The following PCDHGC4 variants were observed in gnomAD, a reference collection of about 807,000 sequenced individuals.
The protein encoded by PCDHGC4 is protocadherin gamma subfamily C, 4.
In PCDHGC4, 15 loss-of-function variants were observed where a neutral mutation model predicts 59.7. The observed-to-expected ratio is 0.25, with a 90% CI of 0.17 to 0.39. The LOEUF (loss-of-function observed/expected upper bound fraction) is 0.39. Among genes scored for constraint, PCDHGC4 ranks in the 10% least tolerant of loss-of-function variants. The pLI, the probability that PCDHGC4 is intolerant of heterozygous loss-of-function variation, is 1.00. For missense variants in PCDHGC4, 1,016 were observed against 1,189.5 expected (o/e 0.85, Z 2.15); for synonymous variants, 434 against 481.4 (o/e 0.90, Z 1.29).
intron 2 of PCDHGC4, among the ~76,000 whole-genome samples, chr5:141,497,023 G>A (rs1271608156): frequency 1.3e-5 from 2 of 151,912 alleles, no homozygotes; most frequent in Non-Finnish European, 2.9e-5. Flanking sequence ...ACCCCATCTC[G>A]ATTAAAAATA....
intron 2 of PCDHGC4, among the ~76,000 whole-genome samples, chr5:141,496,207 T>C (rs973745475): frequency 6.6e-6 from 1 of 152,134 alleles, no homozygotes; most frequent in Non-Finnish European, 1.5e-5. Flanking sequence ...CAATCTGGTA[T>C]GAATTCCTGC....
At chr5:141,509,536 A>T (rs778275338) in intron 3 of PCDHGC4, among the ~76,000 whole-genome samples, 1 of 152,130 alleles carries the variant, frequency 6.6e-6, no homozygotes, top group Non-Finnish European at 1.5e-5. Context: ...AGGATGAAGC[A>T]CCATCTCATT....
chr5:141,502,402 A>T (rs1317862793), intron 2 of PCDHGC4, among the ~76,000 whole-genome samples: 1 of 151,976 alleles, frequency 6.6e-6, no homozygotes, highest in Admixed American at 6.6e-5. Flanking sequence ...AATGTCCCCG[A>T]ACCTGGATTT....
rs934674909 is a variant in PCDHGC4, at chr5:141,511,083, A to C, written c.2727A>C (p.Thr909=). Residue 909 remains threonine, a synonymous_variant, in exon 4 of 4, where the codon ACA becomes ACC. Transcript: ENST00000306593. The part of the protein sequence containing the change: ...QNVYIPGSNA[T]LTNAAGKRDG... Reference sequence around the variant, plus strand: ...TCTACATCCCAGGCAGCAATGCCACACTGACCAACGCAGCTGGCAAGCGGG... The same window carrying C: ...TCTACATCCCAGGCAGCAATGCCACCCTGACCAACGCAGCTGGCAAGCGGG... 1.2e-6 allele frequency: 2 copies of C among 1,614,108 alleles called. No homozygotes were observed. Among genetic ancestry groups the C allele is most frequent in the African/African-American group, 2.7e-5 (2 of 74,940 alleles).
intron 3 of PCDHGC4, among the ~76,000 whole-genome samples, chr5:141,506,444 C>CA (rs1219684339): frequency 0.017 from 1,570 of 94,842 alleles, 20 homozygotes; most frequent in African/African-American, 0.048. Flanking sequence ...CGCTCTGTCT[C>CA]AAAAAAAAAA....
rs749499883 is a variant in PCDHGC4 at position 141,486,382 on chromosome 5, C to T, written c.1209C>T (p.Asn403=). ...TTGCCCTCAAGTCTGCCTTCAGGAA[C>T]CAGTTCTCCCTGGTGACTGCTGGAC... is the stretch of plus-strand genomic sequence containing the variant. ...LPFALKSAFR[N]QFSLVTAGPL... is the part of the protein sequence containing the mutation. The change falls in exon 1 of 4, where the codon AAC becomes AAT. Residue 403 remains asparagine (N), a synonymous_variant. Transcript: ENST00000306593. The surrounding 1 kb of genome is among the most constrained non-coding windows in gnomAD (Gnocchi z 5.0). 25 of 1,613,986 alleles carry T rather than the reference C, an allele frequency of 1.5e-5. No homozygotes were observed. The highest frequency in any genetic ancestry group is 1.9e-5 in the Non-Finnish European group (23 of 1,179,998).
At chr5:141,503,133 C>A (rs1164077875) in intron 2 of PCDHGC4, among the ~76,000 whole-genome samples, 1 of 152,002 alleles carries the variant, frequency 6.6e-6, no homozygotes, top group Non-Finnish European at 1.5e-5. Context: ...CTGGTAGCCC[C>A]TGACACAGCC....
At position 141,490,475 on chromosome 5, in the gene PCDHGC4, T is replaced by C. The variant is rs769951029; in HGVS notation, c.2442+2860T>C. On this transcript the variant is annotated intron_variant, in intron 1 of 3. Coordinates refer to ENST00000306593, the MANE Select transcript of PCDHGC4 (RefSeq NM_018928.3). This position sits in a 1 kb window ranked among gnomAD's most constrained non-coding sequence, Gnocchi z 5.4. ...TACTCGCTGCTAACCAGCCAGCCTTTGGACCGGGAGGCCACATCCCACTAT... is the reference window on the plus strand; with the variant it reads ...TACTCGCTGCTAACCAGCCAGCCTTCGGACCGGGAGGCCACATCCCACTAT... The C allele has an allele frequency of 3.7e-6, 6 of 1,614,240 alleles. No individual in the cohort carries two copies. The highest frequency in any genetic ancestry group is 5.1e-6 in the Non-Finnish European group (6 of 1,180,038).
chr5:141,490,380 T>C lies in PCDHGC4; in HGVS notation c.2442+2765T>C, dbSNP rs1246254637. 1 of 1,614,204 alleles carries C rather than the reference T, an allele frequency of 6.2e-7. No individual in the cohort carries two copies. ...TTAATGTGCGAGACCGGGACTCAGGTAGAAATGGTGAAGTGAGCCTTGATA... is the reference window on the plus strand; with the variant it reads ...TTAATGTGCGAGACCGGGACTCAGGCAGAAATGGTGAAGTGAGCCTTGATA... On this transcript the variant is annotated intron_variant, in intron 1 of 3. Coordinates refer to ENST00000306593, the MANE Select transcript of PCDHGC4 (RefSeq NM_018928.3). This position sits in a 1 kb window ranked among gnomAD's most constrained non-coding sequence, Gnocchi z 5.4.
Position 141,485,138 on chromosome 5 carries a change from T to A in PCDHGC4, c.-36T>A, listed in dbSNP as rs374309554. On this transcript the variant is annotated 5_prime_UTR_variant, in exon 1 of 4. Coordinates refer to ENST00000306593, the MANE Select transcript of PCDHGC4 (RefSeq NM_018928.3). This position sits in a 1 kb window ranked among gnomAD's most constrained non-coding sequence, Gnocchi z 5.7. ...TTGGGGCGGGTCGGCTTCATCCGCG[T>A]CTCAGGAGCAAGTAGAGAATTAGCG... is the stretch of plus-strand genomic sequence containing the variant. 17 of 1,528,690 alleles carry A rather than the reference T, an allele frequency of 1.1e-5. No individual in the cohort carries two copies. The highest frequency in any genetic ancestry group is 1.3e-5 in the Non-Finnish European group (14 of 1,109,458). 94.7% of individuals were successfully genotyped at this position (1,528,690 alleles called of 1,614,324 possible).
At chr5:141,497,479 G>A (rs1028715475) in intron 2 of PCDHGC4, among the ~76,000 whole-genome samples, 5 of 151,886 alleles carry the variant, frequency 3.3e-5, no homozygotes, top group Non-Finnish European at 7.4e-5. Flanking sequence ...GAGAAGGTGC[G>A]GAACCTCTCT....
chr5:141,492,050 C>CT, intron 1 of PCDHGC4: 1 of 501,102 alleles, frequency 2.0e-6, no homozygotes, highest in Non-Finnish European at 3.5e-6. Flanking sequence ...AGATCCACCC[C>CT]TGCAGCCAGC....
chr5:141,487,467 T>C lies in PCDHGC4; in HGVS notation c.2294T>C (p.Val765Ala). ...GSDDPIKFVD[V>A]GGHSHGCTPL... ...GATGACCCTATCAAGTTTGTTGATG[T>C]GGGAGGCCACTCTCATGGCTGTACA... Residue 765 changes from valine (V) to alanine (A), a missense_variant, in exon 1 of 4, where the codon GTG (valine) becomes GCG (alanine). Val to Ala is a moderately conservative substitution (Grantham distance 64). Transcript: ENST00000306593. The surrounding 1 kb of genome is among the most constrained non-coding windows in gnomAD (Gnocchi z 5.0). 6.2e-7 allele frequency: 1 copy of C among 1,614,186 alleles called. No individual in the cohort carries two copies. The highest frequency in any genetic ancestry group is 8.5e-7 in the Non-Finnish European group (1 of 1,180,026).
Position 141,487,904 on chromosome 5 carries a change from G to A in PCDHGC4, c.2442+289G>A, listed in dbSNP as rs1229814755. On this transcript the variant is annotated intron_variant, in intron 1 of 3. Coordinates refer to ENST00000306593, the MANE Select transcript of PCDHGC4 (RefSeq NM_018928.3). The surrounding 1 kb of genome is among the most constrained non-coding windows in gnomAD (Gnocchi z 5.0). ...TGTGGAAGCATGATGATGGAATGTG[G>A]GAGCACAGGAGGCTACAGTGCACAG... 8.8e-6 allele frequency: 6 copies of A among 685,686 alleles called. No individual in the cohort carries two copies. The highest frequency in any genetic ancestry group is 1.5e-5 in the Non-Finnish European group (6 of 410,118). 42.5% of individuals were successfully genotyped at this position (685,686 alleles called of 1,614,324 possible). A position where few individuals can be genotyped will look rare whatever the true frequency, so the allele number is the denominator to read the frequency against.
Position 141,487,315 on chromosome 5 carries a change from G to T in PCDHGC4, c.2142G>T (p.Lys714Asn), listed in dbSNP as rs568326280. 11 of 1,614,166 alleles carry T rather than the reference G, an allele frequency of 6.8e-6. No individual in the cohort carries two copies. In the South Asian group the frequency reaches 1.2e-4, roughly 18 times the overall value. ...GCTCATTCGTGGCACTACTCTCTAA[G>T]TGTCTTCGTGGGGCAGCCTGTGGAG... ...SFGSFVALLSKCLRGAACGVT... is the reference protein window; with the variant it reads ...SFGSFVALLSNCLRGAACGVT... Residue 714 changes from lysine to asparagine, a missense_variant, in exon 1 of 4, where the codon AAG becomes AAT. Transcript: ENST00000306593. The surrounding 1 kb of genome is among the most constrained non-coding windows in gnomAD (Gnocchi z 5.0).
chr5:141,490,317 C>A lies in PCDHGC4; in HGVS notation c.2442+2702C>A, dbSNP rs2233604. ...TATTGGCCTCTTTGGCCAACCCTGT[C>A]CTAGAGAGCACACCAGTGGGCACAG... On this transcript the variant is annotated intron_variant, in intron 1 of 3. Coordinates refer to ENST00000306593, the MANE Select transcript of PCDHGC4 (RefSeq NM_018928.3). The surrounding 1 kb of genome is among the most constrained non-coding windows in gnomAD (Gnocchi z 5.4). 32,069 of 1,614,158 alleles carry A rather than the reference C, an allele frequency of 0.02. 521 individuals carry two copies. Among genetic ancestry groups the A allele is most frequent in the African/African-American group, 0.081 (6,098 of 75,022 alleles).
At chr5:141,500,436 C>G (rs1318326111) in intron 2 of PCDHGC4, among the ~76,000 whole-genome samples, 2 of 151,836 alleles carry the variant, frequency 1.3e-5, no homozygotes, top group African/African-American at 2.4e-5. Flanking sequence ...GTCTCGATCT[C>G]CTGACCTCGT....
rs891428609 is a variant in PCDHGC4, at chr5:141,503,553, C to T, written c.2502-1840C>T. Among the ~76,000 whole-genome samples the T allele has an allele frequency of 9.4e-5, 14 of 149,164 alleles. No homozygotes were observed. In the East Asian group the frequency reaches 2.2e-3, roughly 23 times the overall value. On this transcript the variant is annotated intron_variant, in intron 2 of 3. Coordinates refer to ENST00000306593, the MANE Select transcript of PCDHGC4 (RefSeq NM_018928.3). ...GGCAGAGGTTGCAGTGAGCCGAGAT[C>T]GCGCCACTGTACTCCAGCCTGGGTG...
Position 141,485,804 on chromosome 5 carries a change from G to A in PCDHGC4, c.631G>A (p.Val211Met). 6.2e-7 allele frequency: 1 copy of A among 1,614,218 alleles called. No individual in the cohort carries two copies. Residue 211 changes from valine (V) to methionine (M), a missense_variant, in exon 1 of 4, where the codon GTG becomes ATG. Val to Met is a conservative substitution (Grantham distance 21). Coordinates refer to ENST00000306593, the MANE Select transcript of PCDHGC4 (RefSeq NM_018928.3). This position sits in a 1 kb window ranked among gnomAD's most constrained non-coding sequence, Gnocchi z 5.7. ...DREKQSDYRLVLTAVDGGNPP... is the reference protein window; with the variant it reads ...DREKQSDYRLMLTAVDGGNPP... The stretch of plus-strand genomic sequence containing the variant: ...AGAGAAGCAATCGGACTACCGCCTG[G>A]TGCTGACTGCTGTCGATGGAGGGAA...
Sources: gnomAD v4.1 joint callset for allele counts (sites outside exome capture counted in the v4.1 genomes callset) on GRCh38, gnomAD v4.1.1 for gene constraint, Gnocchi (gnomAD v3.1) non-coding constraint, MANE v1.5 for transcripts, NCBI Gene and HGNC (gene_info 2026-07-23, HGNC 2026-07-21) for gene names.